Variants in TSC1 observed in about 807,000 individuals in gnomAD.
TSC1 encodes the protein hamartin.
A neutral mutation model predicts 124.3 loss-of-function variants in TSC1; 20 were observed. The ratio of observed to expected loss-of-function variants is 0.16; its 90% confidence interval spans 0.11 to 0.23. The LOEUF (loss-of-function observed/expected upper bound fraction) is 0.23. TSC1 is among the 10% of genes least tolerant of loss of function. TSC1 has a pLI of 1.00. For synonymous variants in TSC1, 493 were observed against 539.1 expected, an observed-to-expected ratio of 0.91 and a Z score of 1.19; for missense variants, 1,124 against 1,448.5, an observed-to-expected ratio of 0.78 and a Z score of 3.64.
chr9:132,930,716 C>T (rs1055134392), intron 2 of TSC1, among the ~76,000 whole-genome samples: 1 of 150,610 alleles, frequency 6.6e-6, no homozygotes, highest in African/African-American at 2.4e-5. Flanking sequence ...TATTTAATTA[C>T]AATCTTGTGA....
At chr9:132,935,471 G>A (rs976087178) in intron 1 of TSC1, among the ~76,000 whole-genome samples, 3 of 152,214 alleles carry the variant, frequency 2.0e-5, no homozygotes, top group East Asian at 1.9e-4. Flanking sequence ...ATGTCTAACC[G>A]TAAGTTACCT....
rs767745683 is a variant in TSC1, at chr9:132,910,566, C to T, written c.1263+5G>A. 4 of 1,613,880 alleles carry T rather than the reference C, an allele frequency of 2.5e-6. No individual in the cohort carries two copies. Among genetic ancestry groups the T allele is most frequent in the Non-Finnish European group, 1.7e-6 (2 of 1,180,046 alleles). On this transcript the variant is annotated splice_donor_5th_base_variant and intron_variant, in intron 12 of 22. Coordinates refer to ENST00000298552, the MANE Select transcript of TSC1 (RefSeq NM_000368.5). ...CAGAGGGATAGCAGACGAGCTGGAT[C>T]GCACCTTCCTGGGGGGTGTGACTGT...
At chr9:132,900,690 G>A in intron 20 of TSC1, 25 bp downstream of exon 20, 6 of 1,613,660 alleles carry the variant, frequency 3.7e-6, no homozygotes, top group Non-Finnish European at 5.1e-6. Flanking sequence ...CCCCACTAAG[G>A]TCTGGCTCCC....
At position 132,921,987 on chromosome 9, in the gene TSC1, C is replaced by G. The variant is rs984165284; in HGVS notation, c.509-14G>C. ...CCGCCACGTGGCCTAGAAAAGGAACCCGTTGAGAAGAGCCTCTTAGTTGGA... is the reference window on the plus strand; with the variant it reads ...CCGCCACGTGGCCTAGAAAAGGAACGCGTTGAGAAGAGCCTCTTAGTTGGA... On this transcript the variant is annotated splice_polypyrimidine_tract_variant and intron_variant, in intron 6 of 22. Transcript: ENST00000298552. This position sits in a 1 kb window ranked among gnomAD's most constrained non-coding sequence, Gnocchi z 4.3. The G allele has an allele frequency of 6.2e-7, 1 of 1,613,976 alleles. No individual in the cohort carries two copies. The highest frequency in any genetic ancestry group is 8.5e-7 in the Non-Finnish European group (1 of 1,179,948).
In TSC1 at chr9:132,892,578, C is replaced by T. The variant is rs1037742954; in HGVS notation, c.*3657G>A. 1.3e-5 allele frequency: 3 copies of T among 233,370 alleles called. No homozygotes were observed. Among genetic ancestry groups the T allele is most frequent in the Non-Finnish European group, 2.5e-5 (3 of 118,122 alleles). The allele number at this position is 233,370 out of a possible 1,614,324, so 14.5% of individuals were successfully genotyped here. ...CACCCCATCTCACCAAGGTCCTGGC[C>T]GGGTCTTCGCTCTGCCCAAACCCTC... On this transcript the variant is annotated 3_prime_UTR_variant, in exon 23 of 23. Transcript: ENST00000298552.
At chr9:132,937,141 G>A (rs1166499676) in intron 1 of TSC1, among the ~76,000 whole-genome samples, 1 of 152,220 alleles carries the variant, frequency 6.6e-6, no homozygotes, top group Non-Finnish European at 1.5e-5. Context: ...CACAGGGCTT[G>A]AATTAAAGTG....
chr9:132,893,371 T>C lies in TSC1; in HGVS notation c.*2864A>G, dbSNP rs1472879863. ...TTTTCTATTCATGACCACGTGTTTC[T>C]TCCAATCCCATAATAACAATTTTTA... On this transcript the variant is annotated 3_prime_UTR_variant, in exon 23 of 23. Transcript: ENST00000298552. 1.3e-5 allele frequency: 3 copies of C among 233,196 alleles called. No individual in the cohort carries two copies. Among genetic ancestry groups the C allele is most frequent in the Non-Finnish European group, 2.5e-5 (3 of 118,062 alleles). 14.4% of individuals were successfully genotyped at this position (233,196 alleles called of 1,614,324 possible).
intron 20 of TSC1, among the ~76,000 whole-genome samples, chr9:132,898,808 G>C (rs1157988490): frequency 6.6e-6 from 1 of 152,220 alleles, no homozygotes; most frequent in Non-Finnish European, 1.5e-5. Context: ...CTAGCTCCAG[G>C]TTCAGGAGCA....
rs974022664 is a variant in TSC1 at position 132,906,687 on chromosome 9, G to A, written c.1438+44C>T. The A allele has an allele frequency of 2.6e-6, 4 of 1,516,978 alleles. No homozygotes were observed. The highest frequency in any genetic ancestry group is 2.3e-5 in the East Asian group (1 of 43,386). 94.0% of individuals were successfully genotyped at this position (1,516,978 alleles called of 1,614,324 possible). A position where few individuals can be genotyped will look rare whatever the true frequency, so the allele number is the denominator to read the frequency against. ...CAAAATCCCAGATTTATAGCAGAGC[G>A]AGGGTCAGGTTTTATCAACTCATAG... On this transcript the variant is annotated intron_variant, in intron 14 of 22. Transcript: ENST00000298552. This position sits in a 1 kb window ranked among gnomAD's most constrained non-coding sequence, Gnocchi z 4.1.
Position 132,911,571 on chromosome 9 carries a change from A to G in TSC1, c.914-3T>C, listed in dbSNP as rs781756453. Reference sequence around the variant, plus strand: ...GTAAGGGGTAGAAGTAGCACACCCTAAAATGGAAGAGAAGAACACAGGGGG... The same window carrying G: ...GTAAGGGGTAGAAGTAGCACACCCTGAAATGGAAGAGAAGAACACAGGGGG... On this transcript the variant is annotated splice_region_variant and splice_polypyrimidine_tract_variant and intron_variant, in intron 9 of 22. Coordinates refer to ENST00000298552, the MANE Select transcript of TSC1 (RefSeq NM_000368.5). 1 of 1,531,404 alleles carries G rather than the reference A, an allele frequency of 6.5e-7. No individual in the cohort carries two copies. Among genetic ancestry groups the G allele is most frequent in the East Asian group, 2.4e-5 (1 of 41,998 alleles). The allele number at this position is 1,531,404 out of a possible 1,614,324, so 94.9% of individuals were successfully genotyped here. A position where few individuals can be genotyped will look rare whatever the true frequency, so the allele number is the denominator to read the frequency against.
At chr9:132,943,668 A>T (rs1275797420) in intron 1 of TSC1, 1 of 152,156 alleles carries the variant, frequency 6.6e-6, no homozygotes. Flanking sequence ...TGTCGTGAGG[A>T]CCAAAGGAGA....
chr9:132,907,393 T>C, intron 12 of TSC1, 23 bp from the exon 13 acceptor site: 2 of 1,594,994 alleles, frequency 1.3e-6, no homozygotes, highest in South Asian at 1.1e-5. Flanking sequence ...GTATCATTTA[T>C]ATCACAAGAC....
At chr9:132,908,079 CCT>C (rs1178899915) in intron 12 of TSC1, among the ~76,000 whole-genome samples, 1 of 151,984 alleles carries the variant, frequency 6.6e-6, no homozygotes. Flanking sequence ...AGAGTGAGAC[CCT>C]GTCTCACACA....
intron 12 of TSC1, among the ~76,000 whole-genome samples, chr9:132,908,473 G>C (rs1233635149): frequency 2.0e-5 from 3 of 152,178 alleles, no homozygotes; most frequent in Non-Finnish European, 4.4e-5. Flanking sequence ...TTCTTTTTGA[G>C]ACAGGGTCTG....
intron 1 of TSC1, among the ~76,000 whole-genome samples, chr9:132,936,669 T>A (rs985310051): frequency 6.6e-6 from 1 of 152,172 alleles, no homozygotes; most frequent in Non-Finnish European, 1.5e-5. Context: ...GATCACTAGA[T>A]GGTAAACTCC....
chr9:132,893,096 T>A lies in TSC1; in HGVS notation c.*3139A>T, dbSNP rs1485634656. ...GGACTGTTTCCCCAACCATGTCACA[T>A]AAGCTTTGGCTCACAAAGTAGCTCA... On this transcript the variant is annotated 3_prime_UTR_variant, in exon 23 of 23. Transcript: ENST00000298552. 1 of 233,214 alleles carries A rather than the reference T, an allele frequency of 4.3e-6. No homozygotes were observed. Among genetic ancestry groups the A allele is most frequent in the African/African-American group, 2.2e-5 (1 of 45,342 alleles). The allele number at this position is 233,214 out of a possible 1,614,324, so 14.4% of individuals were successfully genotyped here. A position where few individuals can be genotyped will look rare whatever the true frequency, so the allele number is the denominator to read the frequency against.
At chr9:132,927,390 G>C in intron 3 of TSC1, 86 bp from the exon 4 acceptor site, 1 of 1,289,810 alleles carries the variant, frequency 7.8e-7, no homozygotes, top group East Asian at 2.4e-5. Flanking sequence ...ACAAAATCCA[G>C]AAAATGTTTC....
chr9:132,940,978 CCT>C (rs1467045301), intron 1 of TSC1: 2 of 152,140 alleles, frequency 1.3e-5, no homozygotes, highest in African/African-American at 2.4e-5. Flanking sequence ...CTACAGCTCC[CCT>C]CTGTGTCTTC....
At chr9:132,904,229 T>G (rs1411761726) in intron 16 of TSC1, among the ~76,000 whole-genome samples, 182 bp downstream of exon 16, 2 of 152,104 alleles carry the variant, frequency 1.3e-5, no homozygotes, top group African/African-American at 2.4e-5. Flanking sequence ...CTTGCCACTT[T>G]TCAAAAATAA....
Sources: allele counts gnomAD v4.1 joint callset (sites outside exome capture counted in the v4.1 genomes callset), GRCh38; gene constraint gnomAD v4.1.1; non-coding constraint Gnocchi (gnomAD v3.1); transcripts MANE v1.5; gene names NCBI Gene and HGNC (gene_info 2026-07-23, HGNC 2026-07-21).